Variants in AHNAK2 observed in about 807,000 individuals in gnomAD.
AHNAK2 encodes the protein AHNAK nucleoprotein 2, also known as protein AHNAK2.
AHNAK2 carries 18 observed loss-of-function variants against 30.7 expected under a neutral mutation model. The ratio of observed to expected loss-of-function variants is 0.59; its 90% CI spans 0.41 to 0.87. The LOEUF (loss-of-function observed/expected upper bound fraction) is 0.87. Among genes scored for constraint, AHNAK2 ranks in the 40% least tolerant of loss-of-function variants. The pLI, the probability that AHNAK2 is intolerant of heterozygous loss-of-function variation, is 0.00. For missense variants in AHNAK2, 8,604 were observed against 7,373.0 expected, an observed-to-expected ratio of 1.17 and a Z score of -6.11; for synonymous variants, 3,590 against 3,073.8, an observed-to-expected ratio of 1.17 and a Z score of -5.56.
At position 104,954,364 on chromosome 14, in the gene AHNAK2, C is replaced by T; in HGVS notation, c.1087G>A (p.Gly363Ser). The change falls in exon 7 of 7, where the codon GGT becomes AGT. Residue 363 changes from glycine to serine, a missense_variant. Physicochemically the swap from Gly to Ser is moderately conservative, Grantham distance 56 (BLOSUM62 0). Coordinates refer to ENST00000333244, the MANE Select transcript of AHNAK2 (RefSeq NM_138420.4). This position sits in a 1 kb window ranked among gnomAD's most constrained non-coding sequence, Gnocchi z 4.3. ...GCCCCAGTCTCCTCGAGGCTATCAC[C>T]CCAGGGCCCCAACTCTTCCAGGACC... ...AGVLEELGPW[G>S]DSLEETGAAT... is the part of the protein sequence containing the mutation. The T allele has an allele frequency of 6.2e-7, 1 of 1,613,400 alleles. No individual in the cohort carries two copies. Among genetic ancestry groups the T allele is most frequent in the Non-Finnish European group, 8.5e-7 (1 of 1,179,884 alleles).
chr14:104,956,296 C>T (rs1391502067), intron 4 of AHNAK2, among the ~76,000 whole-genome samples: 2 of 152,098 alleles, frequency 1.3e-5, no homozygotes, highest in Non-Finnish European at 2.9e-5. Flanking sequence ...CCCCATTGCA[C>T]GGAGGAGAAA....
At position 104,949,372 on chromosome 14, in the gene AHNAK2, T is replaced by A. The variant is rs372499640; in HGVS notation, c.6079A>T (p.Met2027Leu). ...KVEADVSLPS[M>L]QGDLKTTDLS... ...TCAGTGGTCTTCAGGTCCCCCTGCA[T>A]GGAGGGGAGACTCACGTCGGCCTCC... The change falls in exon 7 of 7, where the codon ATG (methionine) becomes TTG (leucine). Residue 2027 changes from methionine (M) to leucine (L), a missense_variant. Transcript: ENST00000333244. The A allele has an allele frequency of 6.3e-7, 1 of 1,577,986 alleles. No individual in the cohort carries two copies. Among genetic ancestry groups the A allele is most frequent in the East Asian group, 2.2e-5 (1 of 44,628 alleles).
In AHNAK2 at chr14:104,947,885, C is replaced by G; in HGVS notation, c.7566G>C (p.Met2522Ile). Reference protein sequence around the residue: ...KVEADGSLSSMQGDLKATDLS... With the variant: ...KVEADGSLSSIQGDLKATDLS... ...GGTCAGTGGCCTTGAGGTCCCCCTG[C>G]ATGGAGGAGAGGCTCCCGTCGGCCT... The change falls in exon 7 of 7, where the codon ATG becomes ATC. Residue 2522 changes from methionine (M) to isoleucine (I), a missense_variant. Coordinates refer to ENST00000333244, the MANE Select transcript of AHNAK2 (RefSeq NM_138420.4). The G allele has an allele frequency of 6.2e-7, 1 of 1,612,846 alleles. No homozygotes were observed. Among genetic ancestry groups the G allele is most frequent in the Non-Finnish European group, 8.5e-7 (1 of 1,179,616 alleles).
In AHNAK2 at chr14:104,941,266, T is replaced by A. The variant is rs1026751360; in HGVS notation, c.14185A>T (p.Ile4729Leu). ...DSLVPGAKSSIGLSTIPLSSS... is the reference protein window; with the variant it reads ...DSLVPGAKSSLGLSTIPLSSS... ...GATAAAGGAATCGTGGAAAGACCTATGCTAGACTTTGCACCTGGGACTAAA... is the reference window on the plus strand; with the variant it reads ...GATAAAGGAATCGTGGAAAGACCTAAGCTAGACTTTGCACCTGGGACTAAA... The change falls in exon 7 of 7, where the codon ATA becomes TTA. Residue 4729 changes from isoleucine to leucine, a missense_variant. Physicochemically the swap from Ile to Leu is conservative, Grantham distance 5. Coordinates refer to ENST00000333244, the MANE Select transcript of AHNAK2 (RefSeq NM_138420.4). 3.1e-6 allele frequency: 5 copies of A among 1,613,618 alleles called. No homozygotes were observed. In the East Asian group the frequency reaches 1.1e-4, roughly 36 times the overall value.
chr14:104,947,490 T>C lies in AHNAK2; in HGVS notation c.7961A>G (p.Lys2654Arg). Residue 2654 changes from lysine (K) to arginine (R), a missense_variant, in exon 7 of 7, where the codon AAG becomes AGG. Coordinates refer to ENST00000333244, the MANE Select transcript of AHNAK2 (RefSeq NM_138420.4). ...KDSKFKMPKF[K>R]MPSFRVSAPG... ...GGCCGACACCCTGAATGATGGCATC[T>C]TGAACTTGGGCATTTTGAACTTGCT... 1.2e-6 allele frequency: 2 copies of C among 1,612,490 alleles called. No individual in the cohort carries two copies. The highest frequency in any genetic ancestry group is 1.7e-6 in the Non-Finnish European group (2 of 1,179,478).
rs762051857 is a variant in AHNAK2, at chr14:104,949,791, A to T, written c.5660T>A (p.Val1887Glu). Residue 1887 changes from valine to glutamate, a missense_variant, in exon 7 of 7, where the codon GTG becomes GAG. Val to Glu is a moderately radical substitution (Grantham distance 121). Coordinates refer to ENST00000333244, the MANE Select transcript of AHNAK2 (RefSeq NM_138420.4). ...SADLVVQAGQ[V>E]DMKLPEGQVP... ...CTGGCCCTCCGGGAGCTTCATGTCCACTTGGCCAGCCTGGACCACCAGGTC... is the reference window on the plus strand; with the variant it reads ...CTGGCCCTCCGGGAGCTTCATGTCCTCTTGGCCAGCCTGGACCACCAGGTC... 18 of 1,586,834 alleles carry T rather than the reference A, an allele frequency of 1.1e-5. 2 individuals are homozygous for T. Among genetic ancestry groups the T allele is most frequent in the African/African-American group, 4.1e-5 (3 of 72,362 alleles).
At position 104,949,647 on chromosome 14, in the gene AHNAK2, A is replaced by T; in HGVS notation, c.5804T>A (p.Leu1935Gln). 6.3e-7 allele frequency: 1 copy of T among 1,588,032 alleles called. No homozygotes were observed. Among genetic ancestry groups the T allele is most frequent in the Non-Finnish European group, 8.6e-7 (1 of 1,163,130 alleles). ...QTDVKGAKLD[L>Q]KGPKAEVTAP... The stretch of plus-strand genomic sequence containing the variant: ...TGTCACTTCCGCCTTGGGGCCTTTC[A>T]GGTCCAGCTTGGCGCCCTTAACATC... The change falls in exon 7 of 7, where the codon CTG (leucine) becomes CAG (glutamine). Residue 1935 changes from leucine to glutamine, a missense_variant. Coordinates refer to ENST00000333244, the MANE Select transcript of AHNAK2 (RefSeq NM_138420.4).
chr14:104,945,000 C>A lies in AHNAK2; in HGVS notation c.10451G>T (p.Gly3484Val). ...KMPKFKMPSFGVSAPGRSIEA... is the reference protein window; with the variant it reads ...KMPKFKMPSFVVSAPGRSIEA... Reference sequence around the variant, plus strand: ...GATGGACCTGCCTGGGGCCGACACCCCGAAGGAGGGCATCTTGAACTTGGG... The same window carrying A: ...GATGGACCTGCCTGGGGCCGACACCACGAAGGAGGGCATCTTGAACTTGGG... Residue 3484 changes from glycine (G) to valine (V), a missense_variant, in exon 7 of 7, where the codon GGG (glycine) becomes GTG (valine). Gly to Val is a moderately radical substitution (Grantham distance 109). Coordinates refer to ENST00000333244, the MANE Select transcript of AHNAK2 (RefSeq NM_138420.4). 1 of 1,612,940 alleles carries A rather than the reference C, an allele frequency of 6.2e-7. No homozygotes were observed. Among genetic ancestry groups the A allele is most frequent in the Non-Finnish European group, 8.5e-7 (1 of 1,179,618 alleles).
In AHNAK2 at chr14:104,953,343, G is replaced by C; in HGVS notation, c.2108C>G (p.Pro703Arg). 1 of 1,613,368 alleles carries C rather than the reference G, an allele frequency of 6.2e-7. No individual in the cohort carries two copies. ...GAGGCTCACGTCGGCCTCCACCTTC[G>C]GCGCAGACACATCCACCGAGGCCTC... is the stretch of plus-strand genomic sequence containing the variant. The part of the protein sequence containing the change: ...SMEASVDVSA[P>R]KVEADVSLLS... Residue 703 changes from proline to arginine, a missense_variant, in exon 7 of 7, where the codon CCG becomes CGG. Transcript: ENST00000333244.
In AHNAK2 at chr14:104,953,485, G is replaced by A. The variant is rs371321397; in HGVS notation, c.1966C>T (p.Arg656Cys). The A allele has an allele frequency of 2.5e-5, 40 of 1,613,828 alleles. No homozygotes were observed. The highest frequency in any genetic ancestry group is 1.3e-4 in the African/African-American group (10 of 74,898). Residue 656 changes from arginine to cysteine, a missense_variant, in exon 7 of 7, where the codon CGC becomes TGC. By Grantham distance (180) the Arg-to-Cys change is radical. Transcript: ENST00000333244. ...GTCAGAATTTGTTCCTTTTTTAAGC[G>A]TTTTTCATCGTGTATTAGTTGTATT... Reference protein sequence around the residue: ...TKIQLIHDEKRLKKEQILTEK... With the variant: ...TKIQLIHDEKCLKKEQILTEK...
In AHNAK2 at chr14:104,941,839, C is replaced by T. The variant is rs199737542; in HGVS notation, c.13612G>A (p.Glu4538Lys). 6.1e-5 allele frequency: 98 copies of T among 1,613,238 alleles called. No homozygotes were observed. In the African/African-American group the frequency reaches 6.7e-4, roughly 11 times the overall value. ...AGGTGCCCTTTGAGGCCGGCTACCT[C>T]GGGCATGTGGCCTTCTGGAAGTTTC... Reference protein sequence around the residue: ...DLKLPEGHMPEVAGLKGHLPK... With the variant: ...DLKLPEGHMPKVAGLKGHLPK... Residue 4538 changes from glutamate (E) to lysine (K), a missense_variant, in exon 7 of 7, where the codon GAG becomes AAG. Glu to Lys is a moderately conservative substitution (Grantham distance 56). Coordinates refer to ENST00000333244, the MANE Select transcript of AHNAK2 (RefSeq NM_138420.4).
At chr14:104,967,042 T>A (rs1595432009) in intron 1 of AHNAK2, among the ~76,000 whole-genome samples, 1 of 152,270 alleles carries the variant, frequency 6.6e-6, no homozygotes, top group African/African-American at 2.4e-5. Flanking sequence ...CTGGGTCACT[T>A]GGCCCACAGC....
In AHNAK2 at chr14:104,940,959, A is replaced by G; in HGVS notation, c.14492T>C (p.Leu4831Pro). 1 of 1,613,048 alleles carries G rather than the reference A, an allele frequency of 6.2e-7. No individual in the cohort carries two copies. The highest frequency in any genetic ancestry group is 8.5e-7 in the Non-Finnish European group (1 of 1,179,804). ...TGTTGGAACTCCCTCTGGAGGCTGCAGGTCAGTGGAGCACTCTGTCTTGGG... is the reference window on the plus strand; with the variant it reads ...TGTTGGAACTCCCTCTGGAGGCTGCGGGTCAGTGGAGCACTCTGTCTTGGG... ...PLPKTECSTD[L>P]QPPEGVPTSQ... The change falls in exon 7 of 7, where the codon CTG (leucine) becomes CCG (proline). Residue 4831 changes from leucine to proline, a missense_variant. Physicochemically the swap from Leu to Pro is moderately conservative, Grantham distance 98. Coordinates refer to ENST00000333244, the MANE Select transcript of AHNAK2 (RefSeq NM_138420.4). This position sits in a 1 kb window ranked among gnomAD's most constrained non-coding sequence, Gnocchi z 4.4.
At chr14:104,964,833 C>T (rs1899254256) in intron 1 of AHNAK2, among the ~76,000 whole-genome samples, 1 of 152,184 alleles carries the variant, frequency 6.6e-6, no homozygotes, top group Non-Finnish European at 1.5e-5. Flanking sequence ...ATGGTTTGTA[C>T]CCTTTCTCCA....
chr14:104,938,519 C>T lies in AHNAK2; in HGVS notation c.16932G>A (p.Leu5644=). Residue 5644 remains leucine (L), a synonymous_variant, in exon 7 of 7, where the codon CTG becomes CTA. Coordinates refer to ENST00000333244, the MANE Select transcript of AHNAK2 (RefSeq NM_138420.4). The stretch of plus-strand genomic sequence containing the variant: ...CAATGTTTGGAAGCCAAAACCAGAG[C>T]AGACCAGATTTTTTACTTTCTGGTT... ...KDKPESKKSG[L]LWFWLPNIGF... 1 of 1,613,590 alleles carries T rather than the reference C, an allele frequency of 6.2e-7. No individual in the cohort carries two copies. The highest frequency in any genetic ancestry group is 8.5e-7 in the Non-Finnish European group (1 of 1,179,770).
At position 104,966,825 on chromosome 14, in the gene AHNAK2, G is replaced by A. The variant is rs943091977; in HGVS notation, c.56-9153C>T. Among the ~76,000 whole-genome samples, 8 of 152,228 alleles carry A rather than the reference G, an allele frequency of 5.3e-5. No individual in the cohort carries two copies. Among genetic ancestry groups the A allele is most frequent in the Non-Finnish European group, 1.0e-4 (7 of 68,032 alleles). ...GGAATCTGGCCAGAGCCTGCCCACC[G>A]CTAAGCCAAGGGCAATGGCAGGTAA... On this transcript the variant is annotated intron_variant, in intron 1 of 6. Coordinates refer to ENST00000333244, the MANE Select transcript of AHNAK2 (RefSeq NM_138420.4). This position sits in a 1 kb window ranked among gnomAD's most constrained non-coding sequence, Gnocchi z 4.3.
At position 104,951,987 on chromosome 14, in the gene AHNAK2, T is replaced by C. The variant is rs770911369; in HGVS notation, c.3464A>G (p.Asp1155Gly). ...GAACCTGCTGTCTTTGGCAGTCACA[T>C]CCTTGTCGGCCAGGGACAGTTCCCC... Reference protein sequence around the residue: ...LEGELSLADKDVTAKDSRFKM... With the variant: ...LEGELSLADKGVTAKDSRFKM... The change falls in exon 7 of 7, where the codon GAT (aspartate) becomes GGT (glycine). Residue 1155 changes from aspartate to glycine, a missense_variant. By Grantham distance (94) the Asp-to-Gly change is moderately conservative (BLOSUM62 -1). Coordinates refer to ENST00000333244, the MANE Select transcript of AHNAK2 (RefSeq NM_138420.4). 2 of 1,609,196 alleles carry C rather than the reference T, an allele frequency of 1.2e-6. No individual in the cohort carries two copies. Among genetic ancestry groups the C allele is most frequent in the East Asian group, 4.5e-5 (2 of 44,742 alleles).
chr14:104,942,183 T>A lies in AHNAK2; in HGVS notation c.13268A>T (p.Asp4423Val), dbSNP rs149529357. Residue 4423 changes from aspartate (D) to valine (V), a missense_variant, in exon 7 of 7, where the codon GAC (aspartate) becomes GTC (valine). Transcript: ENST00000333244. Reference protein sequence around the residue: ...PKVEVTSPNLDVSLPSMEVDI... With the variant: ...PKVEVTSPNLVVSLPSMEVDI... ...CACCTCCATGCTGGGCAGAGACACG[T>A]CCAGGTTGGGGGACGTCACCTCCAC... is the stretch of plus-strand genomic sequence containing the variant. 8.1e-4 allele frequency: 1,312 copies of A among 1,612,872 alleles called. 16 individuals carry two copies. In the African/African-American group the frequency reaches 0.016, roughly 20 times the overall value.
chr14:104,951,993 T>C lies in AHNAK2; in HGVS notation c.3458A>G (p.Asp1153Gly). ...GCTGTCTTTGGCAGTCACATCCTTG[T>C]CGGCCAGGGACAGTTCCCCCTCCAG... is the stretch of plus-strand genomic sequence containing the variant. ...ARLEGELSLADKDVTAKDSRF... is the reference protein window; with the variant it reads ...ARLEGELSLAGKDVTAKDSRF... Residue 1153 changes from aspartate to glycine, a missense_variant, in exon 7 of 7, where the codon GAC becomes GGC. Transcript: ENST00000333244. 6.2e-7 allele frequency: 1 copy of C among 1,612,356 alleles called. No homozygotes were observed. The highest frequency in any genetic ancestry group is 8.5e-7 in the Non-Finnish European group (1 of 1,179,506).
Sources: allele counts gnomAD v4.1 joint callset (sites outside exome capture counted in the v4.1 genomes callset), GRCh38; gene constraint gnomAD v4.1.1; non-coding constraint Gnocchi (gnomAD v3.1); transcripts MANE v1.5; gene names NCBI Gene and HGNC (gene_info 2026-07-23, HGNC 2026-07-21).